GFAP: variants seen among roughly 807,000 people sequenced by gnomAD.
GFAP encodes intermediate filament protein.
A neutral mutation model predicts 49.3 loss-of-function variants in GFAP; 38 were observed. The ratio of observed to expected loss-of-function variants is 0.77; its 90% CI spans 0.60 to 1.01. The LOEUF (loss-of-function observed/expected upper bound fraction) is 1.01. GFAP is among the 50% of genes least tolerant of loss of function. GFAP has a pLI of 0.00. For synonymous variants in GFAP, 222 were observed against 236.4 expected (o/e 0.94, Z 0.56); for missense variants, 463 against 579.1 (o/e 0.80, Z 2.06).
chr17:44,907,590 C>T lies in GFAP; in HGVS notation c.1258-202G>A, dbSNP rs1486327087. 4.7e-5 allele frequency: 30 copies of T among 641,866 alleles called. No individual in the cohort carries two copies. The East Asian group carries it at 5.0e-4, about 11-fold the overall frequency. 39.8% of individuals were successfully genotyped at this position (641,866 alleles called of 1,614,324 possible). A position where few individuals can be genotyped will look rare whatever the true frequency, so the allele number is the denominator to read the frequency against. On this transcript the variant is annotated intron_variant, in intron 8 of 8. Transcript: ENST00000588735. Reference sequence around the variant, plus strand: ...GGAAAGCATTTAGCGTCATGCCTGGCGAGTGGTAAGCTGCTGGAGTAAGAT... The same window carrying T: ...GGAAAGCATTTAGCGTCATGCCTGGTGAGTGGTAAGCTGCTGGAGTAAGAT...
At chr17:44,914,739 A>G (rs762372953) in intron 1 of GFAP, 19 of 495,430 alleles carry the variant, frequency 3.8e-5, no homozygotes, top group Admixed American at 7.0e-5. Context: ...CCAGCCATGA[A>G]TGAAACACAG....
rs766731718 is a variant in GFAP, at chr17:44,911,201, G to A, written c.1127+35C>T. ...AGATGAGCTCTACCGTGAGGCAGCAGGGAGACTTCCCCAGGGGCTGTGATG... is the reference window on the plus strand; with the variant it reads ...AGATGAGCTCTACCGTGAGGCAGCAAGGAGACTTCCCCAGGGGCTGTGATG... On this transcript the variant is annotated intron_variant, in intron 6 of 8. Transcript: ENST00000588735. The A allele has an allele frequency of 3.2e-6, 5 of 1,579,158 alleles. No homozygotes were observed. In the South Asian group the frequency reaches 5.5e-5, roughly 17 times the overall value.
chr17:44,910,744 T>TG, intron 6 of GFAP, 86 bp from the exon 7 acceptor site: 1 of 1,537,222 alleles, frequency 6.5e-7, no homozygotes, highest in Non-Finnish European at 8.8e-7. Context: ...CATGACAACT[T>TG]GAACGCCCTT....
intron 4 of GFAP, among the ~76,000 whole-genome samples, chr17:44,912,118 T>TTTTG (rs1555574336): frequency 1.3e-5 from 2 of 150,818 alleles, no homozygotes; most frequent in African/African-American, 4.9e-5. Flanking sequence ...GTTTTTGTTT[T>TTTTG]TTTGTTTTTT....
Position 44,911,737 on chromosome 17 carries a change from C to T in GFAP, c.841G>A (p.Glu281Lys), listed in dbSNP as rs756652110. 2 of 1,614,018 alleles carry T rather than the reference C, an allele frequency of 1.2e-6. No individual in the cohort carries two copies. The highest frequency in any genetic ancestry group is 1.7e-6 in the Non-Finnish European group (2 of 1,180,006). ...NAELLRQAKH[E>K]ANDYRRQLQS... is the part of the protein sequence containing the mutation. Reference sequence around the variant, plus strand: ...AACTGGCGCCGGTAGTCGTTGGCTTCGTGCTTGGCCTGGCGGAGCAGCTCC... The same window carrying T: ...AACTGGCGCCGGTAGTCGTTGGCTTTGTGCTTGGCCTGGCGGAGCAGCTCC... The change falls in exon 5 of 9, where the codon GAA (glutamate) becomes AAA (lysine). Residue 281 changes from glutamate (E) to lysine (K), a missense_variant. Glu to Lys is a moderately conservative substitution (Grantham distance 56). Around this residue, in one of 3 missense-constraint regions of GFAP, gnomAD observed 362 missense variants for 445.5 expected, o/e 0.81. Coordinates refer to ENST00000588735, the MANE Select transcript of GFAP (RefSeq NM_002055.5).
rs1301428786 is a variant in GFAP at position 44,911,540 on chromosome 17, G to A, written c.907-84C>T. 6.4e-6 allele frequency: 10 copies of A among 1,551,540 alleles called. No homozygotes were observed. In the African/African-American group the frequency reaches 6.8e-5, roughly 11 times the overall value. On this transcript the variant is annotated intron_variant, in intron 5 of 8. Transcript: ENST00000588735. ...GGCCCGGCCCCCGGCCCCAGGCCCC[G>A]CCTCTAGCCCGGGGGTAACGTTCAG...
intron 1 of GFAP, 25 bp downstream of exon 1, chr17:44,915,000 GC>G (rs760175859): frequency 1.1e-5 from 18 of 1,584,846 alleles, no homozygotes; most frequent in Non-Finnish European, 1.5e-5. Context: ...TGCTCACAAG[GC>G]CCCCCTTCCC....
In GFAP at chr17:44,904,478, A is replaced by C; in HGVS notation, c.*2869T>G. The C allele has an allele frequency of 6.5e-7, 1 of 1,547,348 alleles. No homozygotes were observed. On this transcript the variant is annotated 3_prime_UTR_variant, in exon 9 of 9. Coordinates refer to ENST00000588735, the MANE Select transcript of GFAP (RefSeq NM_002055.5). ...GCCCGATGTGGTGTCTTGTGGCTCA[A>C]GGGCTGTGCCAAGGAAGCTGCGGAC...
At chr17:44,908,321 A>C in intron 7 of GFAP, 172 bp from the exon 8 acceptor site, 1 of 399,166 alleles carries the variant, frequency 2.5e-6, no homozygotes. Flanking sequence ...CCCAAATCCC[A>C]ATAGTGCTGC....
intron 7 of GFAP, chr17:44,910,149 G>A (rs767021862): frequency 1.9e-5 from 31 of 1,613,970 alleles, no homozygotes; most frequent in Middle Eastern, 1.6e-4. Flanking sequence ...ACCGCGAGCC[G>A]GCGGCGTTCC....
Position 44,915,002 on chromosome 17 carries a change from C to T in GFAP, c.461+24G>A, listed in dbSNP as rs751800350. ...ATTCAGCCCCTTCTGCTCACAAGGCCCCCCTTCCCCATCCCCTCCTCACTT... is the reference window on the plus strand; with the variant it reads ...ATTCAGCCCCTTCTGCTCACAAGGCTCCCCTTCCCCATCCCCTCCTCACTT... On this transcript the variant is annotated intron_variant, in intron 1 of 8. Coordinates refer to ENST00000588735, the MANE Select transcript of GFAP (RefSeq NM_002055.5). This position sits in a 1 kb window ranked among gnomAD's most constrained non-coding sequence, Gnocchi z 4.1. The T allele has an allele frequency of 6.9e-6, 11 of 1,590,600 alleles. No individual in the cohort carries two copies. The South Asian group carries it at 1.1e-4, about 16-fold the overall frequency.
At position 44,903,335 on chromosome 17, in the gene GFAP, C is replaced by T; in HGVS notation, c.*4012G>A. ...GACTCAGTTCTTGTGCAGGTTGGGC[C>T]TGGGAAAGTCCCAAGCCATCAGCTC... On this transcript the variant is annotated 3_prime_UTR_variant, in exon 9 of 9. Coordinates refer to ENST00000588735, the MANE Select transcript of GFAP (RefSeq NM_002055.5). 1 of 1,247,140 alleles carries T rather than the reference C, an allele frequency of 8.0e-7. No homozygotes were observed. Among genetic ancestry groups the T allele is most frequent in the Non-Finnish European group, 1.0e-6 (1 of 996,844 alleles). The allele number at this position is 1,247,140 out of a possible 1,614,324, so 77.3% of individuals were successfully genotyped here.
Position 44,911,172 on chromosome 17 carries a change from A to T in GFAP, c.1127+64T>A, listed in dbSNP as rs545233657. 3 of 1,422,710 alleles carry T rather than the reference A, an allele frequency of 2.1e-6. No individual in the cohort carries two copies. In the African/African-American group the frequency reaches 4.2e-5, roughly 20 times the overall value. 88.1% of individuals were successfully genotyped at this position (1,422,710 alleles called of 1,614,324 possible). ...TGAAAAAGACTCAGTCCCTGAAGGG[A>T]GCAAGATGAGCTCTACCGTGAGGCA... On this transcript the variant is annotated intron_variant, in intron 6 of 8. Transcript: ENST00000588735.
In GFAP at chr17:44,915,052, T is replaced by C; in HGVS notation, c.435A>G (p.Ala145=). 1 of 1,612,418 alleles carries C rather than the reference T, an allele frequency of 6.2e-7. No homozygotes were observed. The highest frequency in any genetic ancestry group is 8.5e-7 in the Non-Finnish European group (1 of 1,179,868). Reference sequence around the variant, plus strand: ...TCTGCCTCACAGTGGCCAGGTCCTGTGCCAGATTGTCCCTCTCAACCTCCA... The same window carrying C: ...TCTGCCTCACAGTGGCCAGGTCCTGCGCCAGATTGTCCCTCTCAACCTCCA... ...ARLEVERDNL[A]QDLATVRQKL... The change falls in exon 1 of 9, where the codon GCA becomes GCG. Residue 145 remains alanine (A), a synonymous_variant. Transcript: ENST00000588735. The surrounding 1 kb of genome is among the most constrained non-coding windows in gnomAD (Gnocchi z 4.1).
Position 44,904,556 on chromosome 17 carries a change from T to G in GFAP, c.*2791A>C. Reference sequence around the variant, plus strand: ...GCTGGTTCGGAGCTGCTTAGTACCCTGTGAGAAGACAAAGACCATCCGGGA... The same window carrying G: ...GCTGGTTCGGAGCTGCTTAGTACCCGGTGAGAAGACAAAGACCATCCGGGA... On this transcript the variant is annotated 3_prime_UTR_variant, in exon 9 of 9. Coordinates refer to ENST00000588735, the MANE Select transcript of GFAP (RefSeq NM_002055.5). 5.8e-6 allele frequency: 9 copies of G among 1,550,586 alleles called. No homozygotes were observed. The highest frequency in any genetic ancestry group is 7.0e-6 in the Non-Finnish European group (8 of 1,146,990).
rs112079989 is a variant in GFAP, at chr17:44,909,850, A to G, written c.1171+765T>C. 3.2e-6 allele frequency: 4 copies of G among 1,251,704 alleles called. No homozygotes were observed. The African/African-American group carries it at 6.1e-5, about 19-fold the overall frequency. 77.5% of individuals were successfully genotyped at this position (1,251,704 alleles called of 1,614,324 possible). A position where few individuals can be genotyped will look rare whatever the true frequency, so the allele number is the denominator to read the frequency against. ...AGACCCAAGGGGCCCTCCCAGTGACAGGAAGAGGTGAGACAGAGGCTGCTG... is the reference window on the plus strand; with the variant it reads ...AGACCCAAGGGGCCCTCCCAGTGACGGGAAGAGGTGAGACAGAGGCTGCTG... On this transcript the variant is annotated intron_variant, in intron 7 of 8. Transcript: ENST00000588735.
At chr17:44,911,603 C>T (rs2051769676) in intron 5 of GFAP, 69 bp downstream of exon 5, 3 of 1,596,352 alleles carry the variant, frequency 1.9e-6, no homozygotes, top group Admixed American at 3.3e-5. Context: ...CCTGGCCCTT[C>T]TCCCCTGGCA....
Position 44,905,017 on chromosome 17 carries a change from C to T in GFAP, c.*2330G>A, listed in dbSNP as rs758360139. The T allele has an allele frequency of 1.3e-6, 2 of 1,550,340 alleles. No homozygotes were observed. The highest frequency in any genetic ancestry group is 1.7e-6 in the Non-Finnish European group (2 of 1,146,490). On this transcript the variant is annotated 3_prime_UTR_variant, in exon 9 of 9. Transcript: ENST00000588735. ...TCACAGCAGTCTTTGTCACCATTCA[C>T]TTCTGTCGTTGCTGCTGCTACTTAT...
chr17:44,903,773 A>G lies in GFAP; in HGVS notation c.*3574T>C, dbSNP rs1346119708. On this transcript the variant is annotated 3_prime_UTR_variant, in exon 9 of 9. Coordinates refer to ENST00000588735, the MANE Select transcript of GFAP (RefSeq NM_002055.5). ...CTTAGCAGAGCTTTCTAGGAGCCCT[A>G]TGAGCCTTTAATGCCCTGGTTTTGC... The G allele has an allele frequency of 1.2e-5, 18 of 1,498,626 alleles. No individual in the cohort carries two copies. Among genetic ancestry groups the G allele is most frequent in the Admixed American group, 4.5e-5 (2 of 44,218 alleles). The allele number at this position is 1,498,626 out of a possible 1,614,324, so 92.8% of individuals were successfully genotyped here.
Sources: gnomAD v4.1 joint callset for allele counts (sites outside exome capture counted in the v4.1 genomes callset) on GRCh38, gnomAD v4.1.1 for gene constraint, gnomAD v4.1.1 regional missense constraint, Gnocchi (gnomAD v3.1) non-coding constraint, MANE v1.5 for transcripts, NCBI Gene and HGNC (gene_info 2026-07-23, HGNC 2026-07-21) for gene names.